DNM1: variants seen among roughly 807,000 people sequenced by gnomAD.
The protein encoded by DNM1 is dynamin-1.
In DNM1, 29 loss-of-function variants were observed where a neutral mutation model predicts 104.6. The ratio of observed to expected loss-of-function variants is 0.28; its 90% CI spans 0.21 to 0.38. The LOEUF is 0.38. Among genes scored for constraint, DNM1 ranks in the 10% least tolerant of loss-of-function variants. The pLI is 1.00. For missense variants in DNM1, 640 were observed against 1,189.4 expected, an observed-to-expected ratio of 0.54 and a Z score of 6.79; for synonymous variants, 445 against 475.8, an observed-to-expected ratio of 0.94 and a Z score of 0.84.
intron 20 of DNM1, 64 bp downstream of exon 20, chr9:128,250,420 G>A: frequency 6.8e-7 from 1 of 1,477,708 alleles, no homozygotes. Flanking sequence ...AGGAATGCCG[G>A]GACCGGGCAG....
chr9:128,239,383 C>G, intron 11 of DNM1, 62 bp from the exon 12 acceptor site: 3 of 1,294,860 alleles, frequency 2.3e-6, no homozygotes, highest in Non-Finnish European at 3.4e-6. Flanking sequence ...CCCAGCTTGC[C>G]CTGCATTTTA....
Position 128,224,208 on chromosome 9 carries a change from C to T in DNM1, c.1197-43C>T, listed in dbSNP as rs1417692853. 6.3e-7 allele frequency: 1 copy of T among 1,593,510 alleles called. No homozygotes were observed. The highest frequency in any genetic ancestry group is 8.6e-7 in the Non-Finnish European group (1 of 1,168,594). On this transcript the variant is annotated intron_variant, in intron 9 of 21. Transcript: ENST00000372923. The surrounding 1 kb of genome is among the most constrained non-coding windows in gnomAD (Gnocchi z 4.3). The stretch of plus-strand genomic sequence containing the variant: ...CTCGGCCTGGCCCTCCTGGCCGGCA[C>T]TGGCCTGTGACACTCTGCCCTTCTC...
intron 20 of DNM1, 143 bp from the exon 21 acceptor site, chr9:128,250,582 A>G: frequency 3.1e-6 from 3 of 965,094 alleles, no homozygotes; most frequent in Non-Finnish European, 4.3e-6. Context: ...GGCGGGGCTT[A>G]AGCTCCGGCG....
intron 1 of DNM1, among the ~76,000 whole-genome samples, chr9:128,210,040 C>CTGTTTTGTTTTGTTT (rs796576189): frequency 6.6e-6 from 1 of 150,746 alleles, no homozygotes; most frequent in African/African-American, 2.4e-5. Context: ...TTTGTTTTGT[C>CTGTTTTGTTTTGTTT]TGTTTTGTTT....
chr9:128,251,114 C>T, intron 21 of DNM1, 174 bp downstream of exon 21: 2 of 652,092 alleles, frequency 3.1e-6, no homozygotes, highest in Non-Finnish European at 5.5e-6. Context: ...CTGGCGGAGC[C>T]TGCCCCCGAG....
chr9:128,210,174 C>T (rs759584193), intron 1 of DNM1, among the ~76,000 whole-genome samples: 4 of 151,710 alleles, frequency 2.6e-5, no homozygotes, highest in Admixed American at 1.3e-4. Flanking sequence ...CTCAGCCTTC[C>T]GAGAAGCTGG....
chr9:128,207,704 GATA>G (rs1834051223), intron 1 of DNM1, among the ~76,000 whole-genome samples: 1 of 152,164 alleles, frequency 6.6e-6, no homozygotes, highest in Non-Finnish European at 1.5e-5. Context: ...GTAAAATGGG[GATA>G]ATAATAGCAC....
chr9:128,203,554 C>T lies in DNM1; in HGVS notation c.84C>T (p.Asp28=), dbSNP rs577437504. The T allele has an allele frequency of 4.9e-5, 76 of 1,549,390 alleles. 1 individual carries two copies. The South Asian group carries it at 8.3e-4, about 17-fold the overall frequency. The change falls in exon 1 of 22, where the codon GAC becomes GAT. Residue 28 remains aspartate, a synonymous_variant. Coordinates refer to ENST00000372923, the MANE Select transcript of DNM1 (RefSeq NM_004408.4). The surrounding 1 kb of genome is among the most constrained non-coding windows in gnomAD (Gnocchi z 5.3). ...TCTCTGCCATCGGCCAGAACGCGGACCTCGACCTGCCGCAGATCGCTGTGG... is the reference window on the plus strand; with the variant it reads ...TCTCTGCCATCGGCCAGAACGCGGATCTCGACCTGCCGCAGATCGCTGTGG... ...DAFSAIGQNA[D]LDLPQIAVVG...
At chr9:128,214,124 C>T (rs2131127424) in intron 1 of DNM1, among the ~76,000 whole-genome samples, 1 of 152,268 alleles carries the variant, frequency 6.6e-6, no homozygotes, top group Non-Finnish European at 1.5e-5. Flanking sequence ...CACCCCCAAG[C>T]TCACTGCCAT....
intron 1 of DNM1, among the ~76,000 whole-genome samples, chr9:128,205,870 C>A (rs1322199168): frequency 6.6e-6 from 1 of 152,174 alleles, no homozygotes; most frequent in Admixed American, 6.5e-5. Flanking sequence ...TTGGACCGTG[C>A]CCCAGGAGGC....
intron 10 of DNM1, among the ~76,000 whole-genome samples, chr9:128,231,793 C>A (rs926317152): frequency 1.3e-5 from 2 of 152,300 alleles, no homozygotes; most frequent in East Asian, 3.9e-4. Context: ...ATTACTACCC[C>A]ATTTTCCACA....
intron 10 of DNM1, among the ~76,000 whole-genome samples, chr9:128,230,494 A>G (rs1479152739): frequency 6.7e-6 from 1 of 149,868 alleles, no homozygotes; most frequent in African/African-American, 2.5e-5. Flanking sequence ...CTTGTTGCCC[A>G]GGCTGGAGTG....
rs560595135 is a variant in DNM1 at position 128,219,459 on chromosome 9, A to C, written c.589+207A>C. Among the ~76,000 whole-genome samples the C allele has an allele frequency of 2.0e-5, 3 of 152,238 alleles. No homozygotes were observed. In the East Asian group the frequency reaches 5.8e-4, roughly 29 times the overall value. ...CAAGCCGGGAGGATTGCTTGAGCCCAGGAGTTCGAGACAAGGCTGGGCAAC... is the reference window on the plus strand; with the variant it reads ...CAAGCCGGGAGGATTGCTTGAGCCCCGGAGTTCGAGACAAGGCTGGGCAAC... On this transcript the variant is annotated intron_variant, in intron 4 of 21. Coordinates refer to ENST00000372923, the MANE Select transcript of DNM1 (RefSeq NM_004408.4).
chr9:128,226,812 C>A (rs985041044), intron 10 of DNM1, among the ~76,000 whole-genome samples: 3 of 152,022 alleles, frequency 2.0e-5, no homozygotes, highest in African/African-American at 4.8e-5. Context: ...GGATTTTTAG[C>A]CAGGTTGTCT....
At position 128,243,158 on chromosome 9, in the gene DNM1, A is replaced by C. The variant is rs540011829; in HGVS notation, c.1671+813A>C. On this transcript the variant is annotated intron_variant, in intron 15 of 21. Coordinates refer to ENST00000372923, the MANE Select transcript of DNM1 (RefSeq NM_004408.4). This position sits in a 1 kb window ranked among gnomAD's most constrained non-coding sequence, Gnocchi z 4.0. The stretch of plus-strand genomic sequence containing the variant: ...GGGCCCTGCCGAGGTGCCACAAAAA[A>C]CCCCTCCCCGCCCACTAGGGTGCAC... Among the ~76,000 whole-genome samples the C allele has an allele frequency of 1.3e-5, 2 of 148,192 alleles. No homozygotes were observed. The highest frequency in any genetic ancestry group is 2.2e-4 in the South Asian group (1 of 4,578).
chr9:128,246,004 C>CA (rs1480814465), intron 15 of DNM1, among the ~76,000 whole-genome samples: 1 of 152,246 alleles, frequency 6.6e-6, no homozygotes, highest in Non-Finnish European at 1.5e-5. Context: ...GGTGGCCCCC[C>CA]TTCCTGGTCT....
In DNM1 at chr9:128,222,934, G is replaced by A; in HGVS notation, c.1196+74G>A. 5 of 1,402,328 alleles carry A rather than the reference G, an allele frequency of 3.6e-6. No homozygotes were observed. The highest frequency in any genetic ancestry group is 5.0e-6 in the Non-Finnish European group (5 of 992,836). 86.9% of individuals were successfully genotyped at this position (1,402,328 alleles called of 1,614,324 possible). A position where few individuals can be genotyped will look rare whatever the true frequency, so the allele number is the denominator to read the frequency against. Reference sequence around the variant, plus strand: ...CTGGGACAGAGGCACAGGGAGTGATGAAGTGGGCCTCCCTCAGGAAGGACT... The same window carrying A: ...CTGGGACAGAGGCACAGGGAGTGATAAAGTGGGCCTCCCTCAGGAAGGACT... On this transcript the variant is annotated intron_variant, in intron 9 of 21. Coordinates refer to ENST00000372923, the MANE Select transcript of DNM1 (RefSeq NM_004408.4). This position sits in a 1 kb window ranked among gnomAD's most constrained non-coding sequence, Gnocchi z 7.8.
At position 128,218,119 on chromosome 9, in the gene DNM1, G is replaced by A. The variant is rs1221862465; in HGVS notation, c.162-112G>A. On this transcript the variant is annotated intron_variant, in intron 1 of 21. Coordinates refer to ENST00000372923, the MANE Select transcript of DNM1 (RefSeq NM_004408.4). The surrounding 1 kb of genome is among the most constrained non-coding windows in gnomAD (Gnocchi z 4.8). ...GAAGCCCCTGGGCTAAGGAGCGGTG[G>A]AGCCAGCACTTTGGAAGGAGCTTTG... 1.0e-6 allele frequency: 1 copy of A among 985,382 alleles called. No homozygotes were observed. Among genetic ancestry groups the A allele is most frequent in the Non-Finnish European group, 1.6e-6 (1 of 608,808 alleles). 61.0% of individuals were successfully genotyped at this position (985,382 alleles called of 1,614,324 possible).
In DNM1 at chr9:128,219,299, G is replaced by A. The variant is rs763739110; in HGVS notation, c.589+47G>A. ...AATGCACAAAACCCCAGGCTTGCAG[G>A]CTGTCTATTCTTAGTGTAAAGGGGA... On this transcript the variant is annotated intron_variant, in intron 4 of 21. Coordinates refer to ENST00000372923, the MANE Select transcript of DNM1 (RefSeq NM_004408.4). 2.0e-6 allele frequency: 3 copies of A among 1,532,790 alleles called. No individual in the cohort carries two copies. The Admixed American group carries it at 5.0e-5, about 26-fold the overall frequency. 94.9% of individuals were successfully genotyped at this position (1,532,790 alleles called of 1,614,324 possible).
Sources: gnomAD v4.1 joint callset for allele counts (sites outside exome capture counted in the v4.1 genomes callset) on GRCh38, gnomAD v4.1.1 for gene constraint, Gnocchi (gnomAD v3.1) non-coding constraint, MANE v1.5 for transcripts, NCBI Gene and HGNC (gene_info 2026-07-23, HGNC 2026-07-21) for gene names.